Variants in PCDHGA10 observed in about 807,000 individuals in gnomAD.
PCDHGA10 encodes the protein protocadherin gamma-A10.
Under a neutral mutation model 59.5 loss-of-function variants are expected in PCDHGA10, and 42 were observed. The ratio of observed to expected loss-of-function variants is 0.71; its 90% CI spans 0.55 to 0.91. PCDHGA10 has a LOEUF of 0.91. Ranked by LOEUF, PCDHGA10 falls within the 40% of genes least tolerant of loss-of-function variation. PCDHGA10 has a pLI of 0.00. For synonymous variants in PCDHGA10, 511 were observed against 517.2 expected (o/e 0.99, Z 0.16); for missense variants, 1,111 against 1,198.2 (o/e 0.93, Z 1.07).
In PCDHGA10 at chr5:141,487,762, T is replaced by C; in HGVS notation, c.2437-7045T>C. 6.5e-7 allele frequency: 1 copy of C among 1,545,432 alleles called. No homozygotes were observed. The highest frequency in any genetic ancestry group is 8.8e-7 in the Non-Finnish European group (1 of 1,142,332). ...TAAGAGGTAACTATGTGGTAGACGC[T>C]GTGCTTTGTAACTGTTTCGTGAATT... On this transcript the variant is annotated intron_variant, in intron 1 of 3. Coordinates refer to ENST00000398610, the MANE Select transcript of PCDHGA10 (RefSeq NM_018913.3). The surrounding 1 kb of genome is among the most constrained non-coding windows in gnomAD (Gnocchi z 5.0).
At chr5:141,473,808 C>G (rs1562041705) in intron 1 of PCDHGA10, among the ~76,000 whole-genome samples, 1 of 152,198 alleles carries the variant, frequency 6.6e-6, no homozygotes, top group Non-Finnish European at 1.5e-5. Flanking sequence ...TACTGAGGAG[C>G]AGCTGGACAA....
chr5:141,419,853 C>A lies in PCDHGA10; in HGVS notation c.2436+4242C>A, dbSNP rs1327953878. The A allele has an allele frequency of 1.9e-6, 3 of 1,614,072 alleles. No homozygotes were observed. In the Admixed American group the frequency reaches 5.0e-5, roughly 27 times the overall value. The stretch of plus-strand genomic sequence containing the variant: ...ACTGCCACGCTGCACCTGGTGTTCG[C>A]AGATAGCTTGCAAGAGGTACTGCCG... On this transcript the variant is annotated intron_variant, in intron 1 of 3. Transcript: ENST00000398610.
intron 1 of PCDHGA10, chr5:141,418,453 G>T (rs2096259626): frequency 1.2e-6 from 2 of 1,614,060 alleles, no homozygotes; most frequent in East Asian, 4.5e-5. Flanking sequence ...TATTGCAGAA[G>T]ACTCTGGACC....
rs751276470 is a variant in PCDHGA10, at chr5:141,431,560, C to A, written c.2436+15949C>A. 6.2e-7 allele frequency: 1 copy of A among 1,614,104 alleles called. No individual in the cohort carries two copies. On this transcript the variant is annotated intron_variant, in intron 1 of 3. Coordinates refer to ENST00000398610, the MANE Select transcript of PCDHGA10 (RefSeq NM_018913.3). This position sits in a 1 kb window ranked among gnomAD's most constrained non-coding sequence, Gnocchi z 4.8. ...CGCAGCTGCTTGTAGTCAACGCTAC[C>A]GACCCTGACGAAGGAGTCAATGCGG...
intron 1 of PCDHGA10, among the ~76,000 whole-genome samples, chr5:141,470,151 CT>C (rs746135943): frequency 7.2e-5 from 11 of 152,164 alleles, no homozygotes; most frequent in Non-Finnish European, 1.6e-4. Flanking sequence ...CATAGATCAT[CT>C]TATCAAATCA....
chr5:141,495,529 C>T (rs1466269939), intron 2 of PCDHGA10, among the ~76,000 whole-genome samples: 1 of 152,210 alleles, frequency 6.6e-6, no homozygotes, highest in African/African-American at 2.4e-5. Flanking sequence ...ACCTCTCAGT[C>T]CTTCCCTCAG....
chr5:141,420,242 A>T (rs1241562871), intron 1 of PCDHGA10: 1 of 1,586,666 alleles, frequency 6.3e-7, no homozygotes, highest in Non-Finnish European at 8.6e-7. Context: ...TTTAACTCCC[A>T]GCGTTGAAGC....
intron 1 of PCDHGA10, chr5:141,430,816 C>G: frequency 6.5e-7 from 1 of 1,538,128 alleles, no homozygotes. Context: ...TGGGAATCCT[C>G]CTGGGGACTC....
intron 1 of PCDHGA10, chr5:141,415,862 A>G: frequency 1.8e-6 from 2 of 1,107,350 alleles, no homozygotes; most frequent in Non-Finnish European, 1.2e-6. Flanking sequence ...TGTAGTTTAT[A>G]GTGTTGTTGA....
chr5:141,433,277 T>G, intron 1 of PCDHGA10: 1 of 1,231,982 alleles, frequency 8.1e-7, no homozygotes. Flanking sequence ...CACTGCAGCC[T>G]CAAACTCCTA....
intron 1 of PCDHGA10, among the ~76,000 whole-genome samples, chr5:141,425,459 C>A (rs2096876834): frequency 6.6e-6 from 1 of 152,200 alleles, no homozygotes; most frequent in African/African-American, 2.4e-5. Flanking sequence ...CATCACATTT[C>A]ATGTTATTAA....
chr5:141,469,829 A>G (rs2099212486), intron 1 of PCDHGA10, among the ~76,000 whole-genome samples: 1 of 152,102 alleles, frequency 6.6e-6, no homozygotes, highest in African/African-American at 2.4e-5. Context: ...AGGTCACATA[A>G]AACTTATTCT....
chr5:141,482,530 C>CAAAAAAAAAAA (rs3074545), intron 1 of PCDHGA10, among the ~76,000 whole-genome samples: 21 of 76,546 alleles, frequency 2.7e-4, no homozygotes, highest in African/African-American at 4.8e-4. Context: ...GACAGACATG[C>CAAAAAAAAAAA]AAAAAAAAAA....
intron 1 of PCDHGA10, among the ~76,000 whole-genome samples, chr5:141,433,395 CTATCTA>C (rs1561869588): frequency 2.0e-5 from 3 of 150,654 alleles, no homozygotes; most frequent in African/African-American, 7.3e-5. Flanking sequence ...ATCTATCTAT[CTATCTA>C]TCTATTACTT....
chr5:141,486,168 A>C lies in PCDHGA10; in HGVS notation c.2437-8639A>C, dbSNP rs774913463. 6.2e-7 allele frequency: 1 copy of C among 1,614,196 alleles called. No homozygotes were observed. Among genetic ancestry groups the C allele is most frequent in the South Asian group, 1.1e-5 (1 of 91,084 alleles). On this transcript the variant is annotated intron_variant, in intron 1 of 3. Transcript: ENST00000398610. The surrounding 1 kb of genome is among the most constrained non-coding windows in gnomAD (Gnocchi z 5.0). ...GATGGGGGTTCTCCAGCCATGGAGC[A>C]ACATTGCAGCCTTCGAGTGGATCTG...
In PCDHGA10 at chr5:141,486,913, G is replaced by A. The variant is rs2099636995; in HGVS notation, c.2437-7894G>A. ...CTGGTTCCTTATGTCCCCAAGCACT[G>A]CCTCCATCAGTTGGTGCTGGCCACC... On this transcript the variant is annotated intron_variant, in intron 1 of 3. Transcript: ENST00000398610. The surrounding 1 kb of genome is among the most constrained non-coding windows in gnomAD (Gnocchi z 5.0). The A allele has an allele frequency of 1.9e-6, 3 of 1,614,092 alleles. No individual in the cohort carries two copies. The highest frequency in any genetic ancestry group is 1.3e-5 in the African/African-American group (1 of 74,938).
intron 2 of PCDHGA10, among the ~76,000 whole-genome samples, chr5:141,501,052 A>G (rs1007055288): frequency 6.6e-6 from 1 of 151,988 alleles, no homozygotes; most frequent in Non-Finnish European, 1.5e-5. Flanking sequence ...TATTTTTAGT[A>G]GAGACGGGGT....
intron 1 of PCDHGA10, among the ~76,000 whole-genome samples, chr5:141,482,329 T>C (rs1334833454): frequency 6.6e-6 from 1 of 152,160 alleles, no homozygotes; most frequent in Non-Finnish European, 1.5e-5. Context: ...ATAAAGAGAA[T>C]ATCTACTTTG....
chr5:141,504,583 A>G (rs1230825472), intron 2 of PCDHGA10, among the ~76,000 whole-genome samples: 1 of 146,622 alleles, frequency 6.8e-6, no homozygotes, highest in African/African-American at 2.5e-5. Flanking sequence ...CCATCTGCCC[A>G]GGATTCACAG....
Sources: gnomAD v4.1 joint callset for allele counts (sites outside exome capture counted in the v4.1 genomes callset) on GRCh38, gnomAD v4.1.1 for gene constraint, Gnocchi (gnomAD v3.1) non-coding constraint, MANE v1.5 for transcripts, NCBI Gene and HGNC (gene_info 2026-07-23, HGNC 2026-07-21) for gene names.